The following PIGS variants were observed in gnomAD, a reference collection of about 807,000 sequenced individuals.
PIGS encodes the protein GPI-anchor transamidase component PIGS.
Under a neutral mutation model 58.2 loss-of-function variants are expected in PIGS, and 37 were observed. The ratio of observed to expected loss-of-function variants is 0.64; its 90% CI spans 0.49 to 0.84. PIGS has a LOEUF of 0.84. Ranked by LOEUF, PIGS falls within the 40% of genes least tolerant of loss-of-function variation. The pLI is 0.00. For synonymous variants in PIGS, 269 were observed against 289.2 expected (o/e 0.93, Z 0.71); for missense variants, 629 against 710.8 (o/e 0.88, Z 1.31).
intron 5 of PIGS, 32 bp downstream of exon 5, chr17:28,563,399 A>G (rs776068383): frequency 6.4e-7 from 1 of 1,569,166 alleles, no homozygotes; most frequent in South Asian, 1.1e-5. Context: ...CTGAAGGGAT[A>G]AGGCAAAGTC....
At chr17:28,556,097 A>T (rs1452001074) in intron 10 of PIGS, 69 bp downstream of exon 10, 3 of 1,436,170 alleles carry the variant, frequency 2.1e-6, no homozygotes, top group Non-Finnish European at 2.9e-6. Flanking sequence ...GTAAGACTTG[A>T]TTCCACTTTG....
intron 7 of PIGS, among the ~76,000 whole-genome samples, 192 bp downstream of exon 7, chr17:28,559,857 G>A (rs954855937): frequency 2.0e-5 from 3 of 152,114 alleles, no homozygotes; most frequent in Non-Finnish European, 4.4e-5. Context: ...ACCAGAATCT[G>A]CCCTCAATGG....
At position 28,570,939 on chromosome 17, in the gene PIGS, C is replaced by A. The variant is rs752219359; in HGVS notation, c.199G>T (p.Val67Phe). 2 of 1,614,110 alleles carry A rather than the reference C, an allele frequency of 1.2e-6. No homozygotes were observed. Among genetic ancestry groups the A allele is most frequent in the Non-Finnish European group, 1.7e-6 (2 of 1,180,052 alleles). Residue 67 changes from valine to phenylalanine, a missense_variant, in exon 3 of 12, where the codon GTC (valine) becomes TTC (phenylalanine). Transcript: ENST00000308360. ...LQLRLMVPVTVVFTRESVPLD... is the reference protein window; with the variant it reads ...LQLRLMVPVTFVFTRESVPLD... ...GGCACTGACTCCCGCGTAAACACGA[C>A]AGTGACAGGCACCATGAGGCGGAGC...
Position 28,556,848 on chromosome 17 carries a change from A to C in PIGS, c.1059T>G (p.Ser353Arg). The C allele has an allele frequency of 2.5e-6, 4 of 1,613,944 alleles. No homozygotes were observed. The highest frequency in any genetic ancestry group is 3.4e-6 in the Non-Finnish European group (4 of 1,179,966). Reference sequence around the variant, plus strand: ...TTACCATAATGCCACCCCAGCGGGGACTATGGAAGGCATTGGTGGCCACTG... The same window carrying C: ...TTACCATAATGCCACCCCAGCGGGGCCTATGGAAGGCATTGGTGGCCACTG... ...GAPVATNAFHSPRWGGIMVYN... is the reference protein window; with the variant it reads ...GAPVATNAFHRPRWGGIMVYN... Residue 353 changes from serine (S) to arginine (R), a missense_variant, in exon 9 of 12, where the codon AGT (serine) becomes AGG (arginine). Transcript: ENST00000308360.
rs1248250501 is a variant in PIGS at position 28,556,196 on chromosome 17, C to T, written c.1151G>A (p.Arg384Gln). 2 of 1,613,844 alleles carry T rather than the reference C, an allele frequency of 1.2e-6. No individual in the cohort carries two copies. The highest frequency in any genetic ancestry group is 1.3e-5 in the African/African-American group (1 of 74,888). ...CTGTGCCAGGAACACCTCCATCACT[C>T]GCACCATGTCCACCTCGACTCTCAC... ...LPVRVEVDMVRVMEVFLAQLR... is the reference protein window; with the variant it reads ...LPVRVEVDMVQVMEVFLAQLR... Residue 384 changes from arginine to glutamine, a missense_variant, in exon 10 of 12, where the codon CGA becomes CAA. By Grantham distance (43) the Arg-to-Gln change is conservative. Transcript: ENST00000308360.
intron 4 of PIGS, 53 bp from the exon 5 acceptor site, chr17:28,563,575 C>G (rs1037131504): frequency 3.3e-6 from 5 of 1,535,320 alleles, no homozygotes; most frequent in Non-Finnish European, 4.5e-6. Flanking sequence ...TCCATCTCCC[C>G]CCAGCCCCAA....
In PIGS at chr17:28,570,945, C is replaced by T; in HGVS notation, c.193G>A (p.Val65Ile). The T allele has an allele frequency of 1.2e-6, 2 of 1,614,242 alleles. No homozygotes were observed. The highest frequency in any genetic ancestry group is 1.7e-6 in the Non-Finnish European group (2 of 1,180,040). Reference sequence around the variant, plus strand: ...GACTCCCGCGTAAACACGACAGTGACAGGCACCATGAGGCGGAGCTACAGG... The same window carrying T: ...GACTCCCGCGTAAACACGACAGTGATAGGCACCATGAGGCGGAGCTACAGG... Reference protein sequence around the residue: ...NALQLRLMVPVTVVFTRESVP... With the variant: ...NALQLRLMVPITVVFTRESVP... The change falls in exon 3 of 12, where the codon GTC (valine) becomes ATC (isoleucine). Residue 65 changes from valine (V) to isoleucine (I), a missense_variant. Physicochemically the swap from Val to Ile is conservative, Grantham distance 29. Coordinates refer to ENST00000308360, the MANE Select transcript of PIGS (RefSeq NM_033198.4).
Position 28,563,412 on chromosome 17 carries a change from A to G in PIGS, c.468+19T>C. On this transcript the variant is annotated intron_variant, in intron 5 of 11. Coordinates refer to ENST00000308360, the MANE Select transcript of PIGS (RefSeq NM_033198.4). ...AGCTGAAGGGATAAGGCAAAGTCGC[A>G]GCCTCTCTGTTACCTTACCTGGGGA... 1 of 1,603,286 alleles carries G rather than the reference A, an allele frequency of 6.2e-7. No individual in the cohort carries two copies. Among genetic ancestry groups the G allele is most frequent in the Non-Finnish European group, 8.5e-7 (1 of 1,170,058 alleles).
chr17:28,566,146 C>A (rs963861562), intron 3 of PIGS, among the ~76,000 whole-genome samples: 1 of 150,532 alleles, frequency 6.6e-6, no homozygotes, highest in Non-Finnish European at 1.5e-5. Context: ...GGTAAGAGGA[C>A]CACTTGAACC....
At position 28,554,287 on chromosome 17, in the gene PIGS, A is replaced by T. The variant is rs2070310635; in HGVS notation, c.1601T>A (p.Leu534His). The change falls in exon 12 of 12, where the codon CTC (leucine) becomes CAC (histidine). Residue 534 changes from leucine to histidine, a missense_variant. By Grantham distance (99) the Leu-to-His change is moderately conservative (BLOSUM62 -3). Transcript: ENST00000308360. ...PLFLPMAVPI[L>H]LSLVKIFLET... ...CAGGAAGATCTTGACCAGGGACAGG[A>T]GGATGGGCACAGCCATAGGCAGGAA... is the stretch of plus-strand genomic sequence containing the variant. 1 of 1,614,072 alleles carries T rather than the reference A, an allele frequency of 6.2e-7. No individual in the cohort carries two copies. Among genetic ancestry groups the T allele is most frequent in the African/African-American group, 1.3e-5 (1 of 74,930 alleles).
Position 28,555,012 on chromosome 17 carries a change from A to G in PIGS, c.1231T>C (p.Ser411Pro), listed in dbSNP as rs1164799874. The G allele has an allele frequency of 6.2e-7, 1 of 1,611,272 alleles. No individual in the cohort carries two copies. Among genetic ancestry groups the G allele is most frequent in the Non-Finnish European group, 8.5e-7 (1 of 1,178,606 alleles). ...QPQLPPKCLL[S>P]GPTSEGLMTW... ...ATTAGCCCTTCACTCGTAGGCCCTG[A>G]AAGCAGGCATTTTGGAGGCAGCTGG... Residue 411 changes from serine (S) to proline (P), a missense_variant, in exon 11 of 12, where the codon TCA (serine) becomes CCA (proline). Coordinates refer to ENST00000308360, the MANE Select transcript of PIGS (RefSeq NM_033198.4).
chr17:28,570,949 C>A lies in PIGS; in HGVS notation c.189G>T (p.Val63=). 6.2e-7 allele frequency: 1 copy of A among 1,614,248 alleles called. No individual in the cohort carries two copies. The highest frequency in any genetic ancestry group is 1.1e-5 in the South Asian group (1 of 91,090). The part of the protein sequence containing the change: ...GLNALQLRLM[V]PVTVVFTRES... ...CCCGCGTAAACACGACAGTGACAGG[C>A]ACCATGAGGCGGAGCTACAGGAAGG... Residue 63 remains valine (V), a synonymous_variant, in exon 3 of 12, where the codon GTG becomes GTT. Coordinates refer to ENST00000308360, the MANE Select transcript of PIGS (RefSeq NM_033198.4).
chr17:28,558,282 G>T (rs2070342889), intron 8 of PIGS, among the ~76,000 whole-genome samples, 194 bp downstream of exon 8: 1 of 152,140 alleles, frequency 6.6e-6, no homozygotes, highest in Admixed American at 6.5e-5. Context: ...CTTTAGACTG[G>T]GCAACAGAGC....
chr17:28,554,319 G>A lies in PIGS; in HGVS notation c.1569C>T (p.Ile523=). 1 of 1,614,188 alleles carries A rather than the reference G, an allele frequency of 6.2e-7. No individual in the cohort carries two copies. The highest frequency in any genetic ancestry group is 8.5e-7 in the Non-Finnish European group (1 of 1,180,024). ...FPDDQKFAIY[I]PLFLPMAVPI... ...GCACAGCCATAGGCAGGAAGAGTGG[G>A]ATGTAGATGGCAAACTTCTGGTCAT... Residue 523 remains isoleucine (I), a synonymous_variant, in exon 12 of 12, where the codon ATC becomes ATT. Transcript: ENST00000308360.
At chr17:28,571,013 G>T (rs774442971) in intron 2 of PIGS, 36 bp downstream of exon 2, 3 of 1,614,146 alleles carry the variant, frequency 1.9e-6, no homozygotes, top group South Asian at 1.1e-5. Context: ...CTTGCCGGGG[G>T]GGCTGTCCCC....
chr17:28,563,603 C>G (rs2070378033), intron 4 of PIGS, 81 bp from the exon 5 acceptor site: 9 of 1,363,292 alleles, frequency 6.6e-6, no homozygotes, highest in Non-Finnish European at 9.4e-6. Flanking sequence ...CTAACCCACC[C>G]CTTCACTCAC....
chr17:28,555,499 AG>A, intron 10 of PIGS: 1 of 189,366 alleles, frequency 5.3e-6, no homozygotes, highest in Non-Finnish European at 1.1e-5. Context: ...AGACACTGCT[AG>A]TCAATCAGAA....
intron 4 of PIGS, 54 bp from the exon 5 acceptor site, chr17:28,563,576 C>T: frequency 6.5e-7 from 1 of 1,535,020 alleles, no homozygotes. Flanking sequence ...CCATCTCCCC[C>T]CAGCCCCAAA....
chr17:28,556,540 C>A (rs1567614683), intron 9 of PIGS: 1 of 720,354 alleles, frequency 1.4e-6, no homozygotes, highest in South Asian at 1.5e-5. Context: ...GGAGACAAGG[C>A]TCCCAACCTT....
Sources: gnomAD v4.1 joint callset for allele counts (sites outside exome capture counted in the v4.1 genomes callset) on GRCh38, gnomAD v4.1.1 for gene constraint, MANE v1.5 for transcripts, NCBI Gene and HGNC (gene_info 2026-07-23, HGNC 2026-07-21) for gene names.